PLCB1: variants seen among roughly 807,000 people sequenced by gnomAD.
PLCB1 encodes the protein phospholipase C beta 1.
PLCB1 carries 46 observed loss-of-function variants against 161.8 expected under a neutral mutation model. The observed-to-expected ratio is 0.28, with a 90% CI of 0.22 to 0.36. The LOEUF (loss-of-function observed/expected upper bound fraction) is 0.36, where lower values mean the gene tolerates loss of function less well. Among genes scored for constraint, PLCB1 ranks in the 10% least tolerant of loss-of-function variants. The pLI is 1.00. For synonymous variants in PLCB1, 517 were observed against 503.7 expected (o/e 1.03, Z -0.35); for missense variants, 1,016 against 1,472.5 (o/e 0.69, Z 5.07).
intron 2 of PLCB1, among the ~76,000 whole-genome samples, chr20:8,313,964 G>C (rs1984524192): frequency 6.6e-6 from 1 of 152,142 alleles, no homozygotes; most frequent in African/African-American, 2.4e-5. Flanking sequence ...GCTCCTTCAA[G>C]TAAGGAACCA....
In PLCB1 at chr20:8,721,317, G is replaced by A. The variant is rs60449533; in HGVS notation, c.1514-1037G>A. On this transcript the variant is annotated intron_variant, in intron 14 of 31. Transcript: ENST00000338037. ...ATTATTGCCATCTATTGGGCTCATCGTGCTATTGCATTGTGTGAGCCCTGA... is the reference window on the plus strand; with the variant it reads ...ATTATTGCCATCTATTGGGCTCATCATGCTATTGCATTGTGTGAGCCCTGA... Among the ~76,000 whole-genome samples, 6 of 152,282 alleles carry A rather than the reference G, an allele frequency of 3.9e-5. No individual in the cohort carries two copies. In the East Asian group the frequency reaches 5.8e-4, roughly 15 times the overall value.
At chr20:8,167,858 A>G (rs2051691259) in intron 2 of PLCB1, among the ~76,000 whole-genome samples, 1 of 152,144 alleles carries the variant, frequency 6.6e-6, no homozygotes, top group Admixed American at 6.6e-5. Flanking sequence ...CTTTGGGTTA[A>G]CAATCTGGTG....
intron 3 of PLCB1, among the ~76,000 whole-genome samples, chr20:8,417,073 ATTTTTT>A (rs3031852): frequency 1.8e-3 from 70 of 39,868 alleles, no homozygotes; most frequent in African/African-American, 3.7e-3. Flanking sequence ...ATATATATAT[ATTTTTT>A]TTTTTTTTTT....
chr20:8,287,700 G>A (rs920240265), intron 2 of PLCB1, among the ~76,000 whole-genome samples: 1 of 152,280 alleles, frequency 6.6e-6, no homozygotes. Flanking sequence ...TTACCTCAAC[G>A]TCACCTACAC....
At chr20:8,165,689 C>G (rs563300486) in intron 2 of PLCB1, among the ~76,000 whole-genome samples, 1 of 152,314 alleles carries the variant, frequency 6.6e-6, no homozygotes, top group Admixed American at 6.5e-5. Context: ...CTTACAAAGG[C>G]TGTGCATCTT....
intron 24 of PLCB1, among the ~76,000 whole-genome samples, chr20:8,758,963 A>C (rs4816075): frequency 0.31 from 46,430 of 152,104 alleles, 7,147 homozygotes; most frequent in Middle Eastern, 0.48. Context: ...AAACTGCACA[A>C]TTTATTTGGA....
chr20:8,548,333 CTCTT>C (rs140868252), intron 3 of PLCB1, among the ~76,000 whole-genome samples: 23,597 of 134,412 alleles, frequency 0.18, 2,045 homozygotes, highest in African/African-American at 0.23. Flanking sequence ...TTTTTTCTTT[CTCTT>C]TGTTTCTTTC....
intron 31 of PLCB1, among the ~76,000 whole-genome samples, chr20:8,852,083 A>C (rs1228216191): frequency 2.6e-5 from 4 of 152,224 alleles, no homozygotes; most frequent in African/African-American, 9.6e-5. Flanking sequence ...TGTTTATATA[A>C]AGTTGCAAAA....
At chr20:8,371,553 T>C in intron 3 of PLCB1, 103 bp downstream of exon 3, 1 of 764,806 alleles carries the variant, frequency 1.3e-6, no homozygotes, top group South Asian at 1.7e-5. Context: ...ATGTTATAGA[T>C]GTTGTAAAAC....
At chr20:8,502,119 A>G (rs1983451283) in intron 3 of PLCB1, among the ~76,000 whole-genome samples, 2 of 151,988 alleles carry the variant, frequency 1.3e-5, no homozygotes, top group Admixed American at 1.3e-4. Flanking sequence ...TTTAATGTAT[A>G]TAATGACTAT....
intron 18 of PLCB1, among the ~76,000 whole-genome samples, chr20:8,730,319 T>G (rs1227507205): frequency 6.6e-6 from 1 of 151,894 alleles, no homozygotes; most frequent in Non-Finnish European, 1.5e-5. Flanking sequence ...CTCAGTGAGA[T>G]CAATCCTTTT....
At chr20:8,547,925 G>C (rs981765074) in intron 3 of PLCB1, among the ~76,000 whole-genome samples, 1 of 152,122 alleles carries the variant, frequency 6.6e-6, no homozygotes, top group African/African-American at 2.4e-5. Context: ...GGGAGGAAGA[G>C]ATCCCCTCTA....
At chr20:8,384,637 A>G (rs1987367680) in intron 3 of PLCB1, among the ~76,000 whole-genome samples, 1 of 151,820 alleles carries the variant, frequency 6.6e-6, no homozygotes, top group South Asian at 2.1e-4. Flanking sequence ...TTTTTTGTTG[A>G]TTCTTTCTCG....
At chr20:8,554,408 G>A (rs1600149207) in intron 3 of PLCB1, among the ~76,000 whole-genome samples, 3 of 151,996 alleles carry the variant, frequency 2.0e-5, no homozygotes, top group East Asian at 3.9e-4. Context: ...TCACATAATG[G>A]AATACTACTC....
chr20:8,532,301 G>A (rs956605579), intron 3 of PLCB1, among the ~76,000 whole-genome samples: 4 of 152,154 alleles, frequency 2.6e-5, no homozygotes, highest in African/African-American at 9.7e-5. Flanking sequence ...AAGTACCTAG[G>A]CACAGCATCA....
chr20:8,203,996 C>T (rs1164649430), intron 2 of PLCB1, among the ~76,000 whole-genome samples: 1 of 152,090 alleles, frequency 6.6e-6, no homozygotes. Flanking sequence ...CTGGGGTCAC[C>T]TCAGGATAAC....
chr20:8,429,866 G>T (rs982654775), intron 3 of PLCB1, among the ~76,000 whole-genome samples: 1 of 151,928 alleles, frequency 6.6e-6, no homozygotes, highest in Non-Finnish European at 1.5e-5. Flanking sequence ...ATCTAAAAAG[G>T]TGAATTAACT....
At chr20:8,193,495 G>T (rs2051991924) in intron 2 of PLCB1, among the ~76,000 whole-genome samples, 1 of 151,926 alleles carries the variant, frequency 6.6e-6, no homozygotes, top group Admixed American at 6.6e-5. Context: ...AAGAAGGCAA[G>T]AATAATCACA....
At chr20:8,250,553 A>G (rs1411015379) in intron 2 of PLCB1, among the ~76,000 whole-genome samples, 4 of 151,904 alleles carry the variant, frequency 2.6e-5, no homozygotes, top group Non-Finnish European at 5.9e-5. Context: ...TTTTAAAAAA[A>G]AATCCCTTAA....
Sources: gnomAD v4.1 joint callset for allele counts (sites outside exome capture counted in the v4.1 genomes callset) on GRCh38, gnomAD v4.1.1 for gene constraint, MANE v1.5 for transcripts, NCBI Gene and HGNC (gene_info 2026-07-23, HGNC 2026-07-21) for gene names.